The following KIRREL3 variants were observed in gnomAD, a reference collection of about 807,000 sequenced individuals.
The protein encoded by KIRREL3 is kin of IRRE-like protein 3.
KIRREL3 carries 36 observed loss-of-function variants against 89.7 expected under a neutral mutation model. That is an observed-to-expected ratio of 0.40 (90% CI 0.31 to 0.53). The LOEUF (loss-of-function observed/expected upper bound fraction) is 0.53, where lower values mean the gene tolerates loss of function less well. Ranked by LOEUF, KIRREL3 falls within the 20% of genes least tolerant of loss-of-function variation. KIRREL3 has a pLI of 0.49. For missense variants in KIRREL3, 864 were observed against 1,056.6 expected (o/e 0.82, Z 2.53); for synonymous variants, 445 against 441.4 (o/e 1.01, Z -0.10).
rs527247641 is a variant in KIRREL3, at chr11:126,639,607, G to A, written c.56-76695C>T. Among the ~76,000 whole-genome samples the A allele has an allele frequency of 3.3e-5, 5 of 152,272 alleles. No individual in the cohort carries two copies. The highest frequency in any genetic ancestry group is 2.0e-4 in the Admixed American group (3 of 15,292). ...GGCTCTGCAAGCTGGAGATGAGATC[G>A]GCTAATCCTGACTCTATTCTTTCGT... On this transcript the variant is annotated intron_variant, in intron 1 of 16. Transcript: ENST00000525144. This position sits in a 1 kb window ranked among gnomAD's most constrained non-coding sequence, Gnocchi z 4.3.
rs1346225134 is a variant in KIRREL3 at position 126,608,968 on chromosome 11, G to T, written c.56-46056C>A. Among the ~76,000 whole-genome samples the T allele has an allele frequency of 6.6e-6, 1 of 152,200 alleles. No homozygotes were observed. Among genetic ancestry groups the T allele is most frequent in the Non-Finnish European group, 1.5e-5 (1 of 68,028 alleles). On this transcript the variant is annotated intron_variant, in intron 1 of 16. Transcript: ENST00000525144. This position sits in a 1 kb window ranked among gnomAD's most constrained non-coding sequence, Gnocchi z 4.9. ...TCCTGTGGGTCAGAGTACAGGGTGG[G>T]TAGCAGAAACAATCAGGCCAGAGGG...
rs1946798060 is a variant in KIRREL3, at chr11:126,689,459, C to T, written c.56-126547G>A. 6.6e-6 allele frequency among the ~76,000 whole-genome samples: 1 copy of T among 152,214 alleles called. No individual in the cohort carries two copies. The highest frequency in any genetic ancestry group is 1.5e-5 in the Non-Finnish European group (1 of 68,036). On this transcript the variant is annotated intron_variant, in intron 1 of 16. Coordinates refer to ENST00000525144, the MANE Select transcript of KIRREL3 (RefSeq NM_032531.4). This position sits in a 1 kb window ranked among gnomAD's most constrained non-coding sequence, Gnocchi z 5.2. Reference sequence around the variant, plus strand: ...TGGAGATCACAGGGCTAGGCCACTTCTGCTCCTTGCAAGCTCCAAAGAGGA... The same window carrying T: ...TGGAGATCACAGGGCTAGGCCACTTTTGCTCCTTGCAAGCTCCAAAGAGGA...
Position 126,830,607 on chromosome 11 carries a change from G to A in KIRREL3, c.55+169848C>T, listed in dbSNP as rs965777758. On this transcript the variant is annotated intron_variant, in intron 1 of 16. Coordinates refer to ENST00000525144, the MANE Select transcript of KIRREL3 (RefSeq NM_032531.4). The surrounding 1 kb of genome is among the most constrained non-coding windows in gnomAD (Gnocchi z 4.9). ...CTCTTAGTGTTTCGATTTTAGAGCGGCTGTTAAGAGCCAGCTAAGCAGGGA... is the reference window on the plus strand; with the variant it reads ...CTCTTAGTGTTTCGATTTTAGAGCGACTGTTAAGAGCCAGCTAAGCAGGGA... 2.0e-5 allele frequency among the ~76,000 whole-genome samples: 3 copies of A among 152,190 alleles called. No individual in the cohort carries two copies. The East Asian group carries it at 5.8e-4, about 29-fold the overall frequency.
chr11:126,957,050 G>T (rs960021446), intron 1 of KIRREL3, among the ~76,000 whole-genome samples: 6 of 152,216 alleles, frequency 3.9e-5, no homozygotes, highest in Non-Finnish European at 7.3e-5. Flanking sequence ...CACATGTCCT[G>T]CTTCTATGGT....
chr11:126,737,924 A>G lies in KIRREL3; in HGVS notation c.56-175012T>C, dbSNP rs1283204171. On this transcript the variant is annotated intron_variant, in intron 1 of 16. Transcript: ENST00000525144. ...AAAAATATACACTAAAATACTGTTA[A>G]CTACAGTCACCCTGTGGTACTACTG... 4.6e-5 allele frequency among the ~76,000 whole-genome samples: 7 copies of G among 152,302 alleles called. No individual in the cohort carries two copies. In the East Asian group the frequency reaches 1.4e-3, roughly 29 times the overall value.
rs1264005481 is a variant in KIRREL3 at position 126,778,078 on chromosome 11, C to A, written c.56-215166G>T. Among the ~76,000 whole-genome samples the A allele has an allele frequency of 6.6e-6, 1 of 151,580 alleles. No homozygotes were observed. The highest frequency in any genetic ancestry group is 1.5e-5 in the Non-Finnish European group (1 of 67,904). On this transcript the variant is annotated intron_variant, in intron 1 of 16. Transcript: ENST00000525144. The surrounding 1 kb of genome is among the most constrained non-coding windows in gnomAD (Gnocchi z 4.5). Reference sequence around the variant, plus strand: ...AAAAAAAAGAAAAACTATAGACAATCCAAAAGAGCAAAATGAAAATTATGC... The same window carrying A: ...AAAAAAAAGAAAAACTATAGACAATACAAAAGAGCAAAATGAAAATTATGC...
chr11:126,991,367 C>T lies in KIRREL3; in HGVS notation c.55+9088G>A, dbSNP rs1950029952. ...CAATATTTCCACACTTATTCACAGC[C>T]TTCTATGTGCCCAATAGTGTGCTAG... On this transcript the variant is annotated intron_variant, in intron 1 of 16. Coordinates refer to ENST00000525144, the MANE Select transcript of KIRREL3 (RefSeq NM_032531.4). This position sits in a 1 kb window ranked among gnomAD's most constrained non-coding sequence, Gnocchi z 5.8. Among the ~76,000 whole-genome samples, 1 of 152,154 alleles carries T rather than the reference C, an allele frequency of 6.6e-6. No homozygotes were observed.
At chr11:126,863,283 G>A (rs1944762624) in intron 1 of KIRREL3, among the ~76,000 whole-genome samples, 1 of 152,216 alleles carries the variant, frequency 6.6e-6, no homozygotes, top group African/African-American at 2.4e-5. Flanking sequence ...TGGCTGCTCA[G>A]GAAAAGACAG....
intron 7 of KIRREL3, among the ~76,000 whole-genome samples, chr11:126,450,392 G>C (rs114826478): frequency 1.5e-5 from 2 of 134,124 alleles, no homozygotes; most frequent in Admixed American, 7.6e-5. Context: ...TGTGAGTGTG[G>C]GTATGTGTGA....
intron 2 of KIRREL3, among the ~76,000 whole-genome samples, chr11:126,540,650 C>A (rs975261551): frequency 4.6e-5 from 7 of 152,226 alleles, no homozygotes; most frequent in African/African-American, 1.7e-4. Flanking sequence ...CTGGATGCCA[C>A]GAAGACACTG....
At chr11:126,711,664 T>A (rs927267232) in intron 1 of KIRREL3, among the ~76,000 whole-genome samples, 1 of 152,164 alleles carries the variant, frequency 6.6e-6, no homozygotes, top group Non-Finnish European at 1.5e-5. Flanking sequence ...CAAAAAAGAC[T>A]TCTGTCCAGT....
intron 1 of KIRREL3, among the ~76,000 whole-genome samples, chr11:126,836,213 TG>T (rs1943776012): frequency 6.6e-6 from 1 of 152,240 alleles, no homozygotes; most frequent in African/African-American, 2.4e-5. Context: ...GACAGTGGCT[TG>T]GGGACCCTTT....
chr11:126,838,866 G>A (rs1171960888), intron 1 of KIRREL3, among the ~76,000 whole-genome samples: 1 of 152,142 alleles, frequency 6.6e-6, no homozygotes, highest in African/African-American at 2.4e-5. Flanking sequence ...ATGCCTCTAG[G>A]TAGCAAAGTC....
Position 126,531,965 on chromosome 11 carries a change from C to A in KIRREL3, c.134-5278G>T, listed in dbSNP as rs1054378845. On this transcript the variant is annotated intron_variant, in intron 2 of 16. Transcript: ENST00000525144. The surrounding 1 kb of genome is among the most constrained non-coding windows in gnomAD (Gnocchi z 4.7). ...TTTGCATTATGAACTACTAACCCGG[C>A]AGATACTGTTCAGAGCACACCACAC... 1.3e-5 allele frequency among the ~76,000 whole-genome samples: 2 copies of A among 152,158 alleles called. No individual in the cohort carries two copies. The highest frequency in any genetic ancestry group is 4.8e-5 in the African/African-American group (2 of 41,422).
At position 126,485,170 on chromosome 11, in the gene KIRREL3, C is replaced by T. The variant is rs377590644; in HGVS notation, c.434-11704G>A. Among the ~76,000 whole-genome samples the T allele has an allele frequency of 1.1e-3, 162 of 152,188 alleles. No homozygotes were observed. The highest frequency in any genetic ancestry group is 1.5e-3 in the Non-Finnish European group (104 of 67,996). On this transcript the variant is annotated intron_variant, in intron 4 of 16. Coordinates refer to ENST00000525144, the MANE Select transcript of KIRREL3 (RefSeq NM_032531.4). The surrounding 1 kb of genome is among the most constrained non-coding windows in gnomAD (Gnocchi z 5.8). Reference sequence around the variant, plus strand: ...CATCCGATATATTTGGCAGCACAATCGCACAGACGTGTCTCCAAGGAGGTT... The same window carrying T: ...CATCCGATATATTTGGCAGCACAATTGCACAGACGTGTCTCCAAGGAGGTT...
rs1229244637 is a variant in KIRREL3, at chr11:126,703,286, A to T, written c.56-140374T>A. On this transcript the variant is annotated intron_variant, in intron 1 of 16. Coordinates refer to ENST00000525144, the MANE Select transcript of KIRREL3 (RefSeq NM_032531.4). The surrounding 1 kb of genome is among the most constrained non-coding windows in gnomAD (Gnocchi z 4.6). Reference sequence around the variant, plus strand: ...CACAAGGCCAAGGCTTACCATTTGCATGGTCTGCGGAGGAATGGTGCTCCT... The same window carrying T: ...CACAAGGCCAAGGCTTACCATTTGCTTGGTCTGCGGAGGAATGGTGCTCCT... Among the ~76,000 whole-genome samples, 1 of 152,204 alleles carries T rather than the reference A, an allele frequency of 6.6e-6. No individual in the cohort carries two copies. Among genetic ancestry groups the T allele is most frequent in the African/African-American group, 2.4e-5 (1 of 41,454 alleles).
chr11:126,818,263 T>C (rs1033218918), intron 1 of KIRREL3, among the ~76,000 whole-genome samples: 8 of 152,154 alleles, frequency 5.3e-5, no homozygotes, highest in African/African-American at 1.9e-4. Context: ...TTGCAATTGC[T>C]TCTGGCCCAT....
At chr11:126,823,299 A>T (rs1360733309) in intron 1 of KIRREL3, among the ~76,000 whole-genome samples, 5 of 152,196 alleles carry the variant, frequency 3.3e-5, no homozygotes, top group Non-Finnish European at 7.3e-5. Context: ...CAAAGCCTGG[A>T]GGACAAGTGG....
At chr11:126,934,114 C>T (rs572990870) in intron 1 of KIRREL3, among the ~76,000 whole-genome samples, 6 of 152,066 alleles carry the variant, frequency 3.9e-5, no homozygotes, top group African/African-American at 7.2e-5. Flanking sequence ...AAACTATAGA[C>T]ATATGGACAT....
Sources: allele counts gnomAD v4.1 joint callset (sites outside exome capture counted in the v4.1 genomes callset), GRCh38; gene constraint gnomAD v4.1.1; non-coding constraint Gnocchi (gnomAD v3.1); transcripts MANE v1.5; gene names NCBI Gene and HGNC (gene_info 2026-07-23, HGNC 2026-07-21).